The following PITRM1 variants were observed in gnomAD, a reference collection of about 807,000 sequenced individuals.
The protein encoded by PITRM1 is pitrilysin metallopeptidase 1.
PITRM1 carries 100 observed loss-of-function variants against 129.9 expected under a neutral mutation model. The observed-to-expected ratio is 0.77, with a 90% CI of 0.65 to 0.91. The LOEUF is 0.91. PITRM1 is among the 40% of genes least tolerant of loss of function. PITRM1 has a pLI of 0.00. For synonymous variants in PITRM1, 591 were observed against 508.8 expected, an observed-to-expected ratio of 1.16 and a Z score of -2.17; for missense variants, 1,471 against 1,318.3, an observed-to-expected ratio of 1.12 and a Z score of -1.79.
Position 3,139,058 on chromosome 10 carries a change from C to T in PITRM1, c.2772-9G>A, listed in dbSNP as rs1313794687. On this transcript the variant is annotated splice_polypyrimidine_tract_variant and intron_variant, in intron 24 of 26. Transcript: ENST00000224949. ...CTATTGTATTTGGGTCCCTAGGAAACCCAGAGAAATAAACGGGCAAGCATT... is the reference window on the plus strand; with the variant it reads ...CTATTGTATTTGGGTCCCTAGGAAATCCAGAGAAATAAACGGGCAAGCATT... The T allele has an allele frequency of 1.2e-6, 2 of 1,612,434 alleles. No homozygotes were observed. Among genetic ancestry groups the T allele is most frequent in the Non-Finnish European group, 1.7e-6 (2 of 1,179,202 alleles).
At chr10:3,145,882 G>C (rs1840808857) in intron 20 of PITRM1, 166 bp from the exon 21 acceptor site, 7 of 606,090 alleles carry the variant, frequency 1.2e-5, no homozygotes, top group Non-Finnish European at 2.0e-5. Context: ...CTGCTCTTCA[G>C]TGCTTCAGGT....
At position 3,159,749 on chromosome 10, in the gene PITRM1, T is replaced by C. The variant is rs1244913564; in HGVS notation, c.1007+99A>G. On this transcript the variant is annotated intron_variant, in intron 9 of 26. Coordinates refer to ENST00000224949, the MANE Select transcript of PITRM1 (RefSeq NM_014889.4). Reference sequence around the variant, plus strand: ...TTAACCCCTGAATCCTAACCGTATATTAATTAACATTCAATTGTAGAACTC... The same window carrying C: ...TTAACCCCTGAATCCTAACCGTATACTAATTAACATTCAATTGTAGAACTC... 10 of 694,266 alleles carry C rather than the reference T, an allele frequency of 1.4e-5. No individual in the cohort carries two copies. The South Asian group carries it at 1.8e-4, about 12-fold the overall frequency. The allele number at this position is 694,266 out of a possible 1,614,324, so 43.0% of individuals were successfully genotyped here.
rs759173740 is a variant in PITRM1 at position 3,172,753 on chromosome 10, C to T, written c.20G>A (p.Arg7Gln). ...CCGCCTCAGCACACACAGGCCCTGC[C>T]GCCCGCCGCAGCGCCACATTGCGCA... MWRCGG[R>Q]QGLCVLRRLS... is the part of the protein sequence containing the mutation. The change falls in exon 1 of 27, where the codon CGG becomes CAG. Residue 7 changes from arginine (R) to glutamine (Q), a missense_variant. By Grantham distance (43) the Arg-to-Gln change is conservative. Coordinates refer to ENST00000224949, the MANE Select transcript of PITRM1 (RefSeq NM_014889.4). 7 of 1,545,736 alleles carry T rather than the reference C, an allele frequency of 4.5e-6. No homozygotes were observed. Among genetic ancestry groups the T allele is most frequent in the African/African-American group, 1.4e-5 (1 of 72,722 alleles).
intron 7 of PITRM1, among the ~76,000 whole-genome samples, chr10:3,162,133 G>A (rs1021146581): frequency 4.0e-5 from 6 of 148,184 alleles, no homozygotes; most frequent in Admixed American, 3.4e-4. Context: ...ACTCCAGCCT[G>A]GGGGACAGAA....
chr10:3,163,025 G>A (rs193026065), intron 7 of PITRM1: 5 of 152,274 alleles, frequency 3.3e-5, no homozygotes, highest in South Asian at 2.1e-4. Context: ...AAACATTTAC[G>A]GGCAAATGAT....
chr10:3,149,519 G>T, intron 16 of PITRM1, 102 bp downstream of exon 16: 1 of 1,194,098 alleles, frequency 8.4e-7, no homozygotes, highest in Non-Finnish European at 1.2e-6. Flanking sequence ...AACATTGTAA[G>T]TTGTGATTCA....
rs767862216 is a variant in PITRM1, at chr10:3,172,761, G to T, written c.12C>A (p.Cys4Ter). ...GCACACACAGGCCCTGCCGCCCGCC[G>T]CAGCGCCACATTGCGCATGACGAGC... MWR[C>*]GGRQGLCVLR... Residue 4 changes from cysteine to a stop codon, truncating the protein, a stop_gained, in exon 1 of 27, where the codon TGC becomes TGA. Transcript: ENST00000224949. LOFTEE classifies it high-confidence loss of function. The T allele has an allele frequency of 6.5e-7, 1 of 1,546,380 alleles. No individual in the cohort carries two copies. Among genetic ancestry groups the T allele is most frequent in the Non-Finnish European group, 8.7e-7 (1 of 1,145,402 alleles).
At chr10:3,138,835 G>A in intron 25 of PITRM1, 69 bp downstream of exon 25, 1 of 1,487,216 alleles carries the variant, frequency 6.7e-7, no homozygotes, top group Non-Finnish European at 9.4e-7. Context: ...TGCATGCCGG[G>A]AACTTGGAAA....
intron 1 of PITRM1, among the ~76,000 whole-genome samples, chr10:3,171,985 T>G (rs111377668): frequency 0.027 from 4,172 of 152,352 alleles, 172 homozygotes; most frequent in African/African-American, 0.087. Context: ...ATTCAGTCAC[T>G]GGCAATATTA....
chr10:3,153,924 A>G (rs927440268), intron 14 of PITRM1, among the ~76,000 whole-genome samples: 5 of 152,220 alleles, frequency 3.3e-5, no homozygotes, highest in African/African-American at 1.2e-4. Flanking sequence ...ACAAGCAATA[A>G]TATTCACAAT....
At chr10:3,145,976 T>C in intron 20 of PITRM1, 1 of 444,608 alleles carries the variant, frequency 2.2e-6, no homozygotes, top group South Asian at 2.5e-5. Context: ...CTCTAGTTCT[T>C]CTGAAGAGCA....
chr10:3,168,540 C>T lies in PITRM1; in HGVS notation c.160-1498G>A, dbSNP rs181275820. Among the ~76,000 whole-genome samples, 51 of 147,936 alleles carry T rather than the reference C, an allele frequency of 3.4e-4. 2 individuals carry two copies. Among genetic ancestry groups the T allele is most frequent in the African/African-American group, 1.3e-3 (48 of 38,082 alleles). ...CTTGAATTGTAGTTTCCATAATCCC[C>T]ACATGTTGTGGGAGGGACCTGGTGG... is the stretch of plus-strand genomic sequence containing the variant. On this transcript the variant is annotated intron_variant, in intron 2 of 26. Coordinates refer to ENST00000224949, the MANE Select transcript of PITRM1 (RefSeq NM_014889.4).
Position 3,157,421 on chromosome 10 carries a change from G to GCA in PITRM1, c.1347+13_1347+14insTG. On this transcript the variant is annotated intron_variant, in intron 12 of 26. Transcript: ENST00000224949. ...ATTATAAAACAAAAACAAAATTGTTGAGAGATCACTTACTGATGTCAGCAT... is the reference window on the plus strand; with the variant it reads ...ATTATAAAACAAAAACAAAATTGTTGCAAGAGATCACTTACTGATGTCAGCAT... 6.6e-7 allele frequency: 1 copy of GCA among 1,516,532 alleles called. No homozygotes were observed. 93.9% of individuals were successfully genotyped at this position (1,516,532 alleles called of 1,614,324 possible).
chr10:3,143,936 C>T (rs1840551091), intron 22 of PITRM1: 1 of 515,868 alleles, frequency 1.9e-6, no homozygotes, highest in Admixed American at 2.6e-5. Flanking sequence ...AAGGATCTGT[C>T]AGACCGCTCC....
intron 2 of PITRM1, among the ~76,000 whole-genome samples, chr10:3,169,784 C>T (rs1843186677): frequency 6.6e-6 from 1 of 152,204 alleles, no homozygotes; most frequent in African/African-American, 2.4e-5. Context: ...GGCAGTGAGT[C>T]TTCATGCTCA....
chr10:3,142,165 G>T (rs191636949), intron 23 of PITRM1, among the ~76,000 whole-genome samples: 143 of 152,312 alleles, frequency 9.4e-4, no homozygotes, highest in African/African-American at 3.0e-3. Flanking sequence ...TCTTCTGCCG[G>T]CATAGCAGAC....
intron 17 of PITRM1, 28 bp from the exon 18 acceptor site, chr10:3,148,091 G>T: frequency 6.2e-7 from 1 of 1,613,780 alleles, no homozygotes; most frequent in South Asian, 1.1e-5. Context: ...CAGAAGAAAG[G>T]AATTAGGGCC....
chr10:3,148,133 C>T, intron 17 of PITRM1, 38 bp downstream of exon 17: 5 of 1,613,910 alleles, frequency 3.1e-6, no homozygotes, highest in South Asian at 1.1e-5. Context: ...TGGAGAAAAG[C>T]TTCCCACCGC....
chr10:3,155,400 G>A (rs3765099), intron 14 of PITRM1, among the ~76,000 whole-genome samples, 191 bp downstream of exon 14: 28,116 of 152,186 alleles, frequency 0.18, 3,172 homozygotes, highest in Non-Finnish European at 0.26. Flanking sequence ...TGACTCCTGC[G>A]TTTCCTACTG....
Sources: allele counts gnomAD v4.1 joint callset (sites outside exome capture counted in the v4.1 genomes callset), GRCh38; gene constraint gnomAD v4.1.1; transcripts MANE v1.5; gene names NCBI Gene and HGNC (gene_info 2026-07-23, HGNC 2026-07-21).